Variants in OSBPL1A observed in about 807,000 individuals in gnomAD.
The protein encoded by OSBPL1A is oxysterol-binding protein-related protein 1.
Under a neutral mutation model 137.1 loss-of-function variants are expected in OSBPL1A, and 80 were observed. The ratio of observed to expected loss-of-function variants is 0.58; its 90% CI spans 0.49 to 0.70. OSBPL1A has a LOEUF of 0.70. Ranked by LOEUF, OSBPL1A falls within the 30% of genes least tolerant of loss-of-function variation. The pLI is 0.00. For synonymous variants in OSBPL1A, 365 were observed against 389.7 expected (o/e 0.94, Z 0.75); for missense variants, 970 against 1,129.4 (o/e 0.86, Z 2.02).
At chr18:24,236,256 C>A (rs1048791736) in intron 16 of OSBPL1A, among the ~76,000 whole-genome samples, 9 of 152,148 alleles carry the variant, frequency 5.9e-5, no homozygotes, top group South Asian at 2.1e-4. Flanking sequence ...GTGAAGGAAG[C>A]AATAACTAAA....
At chr18:24,214,761 CTG>C (rs954871929) in intron 17 of OSBPL1A, among the ~76,000 whole-genome samples, 8 of 152,186 alleles carry the variant, frequency 5.3e-5, no homozygotes, top group Admixed American at 1.3e-4. Flanking sequence ...TTGGGGAAAA[CTG>C]TGCAAAAAAT....
intron 16 of OSBPL1A, among the ~76,000 whole-genome samples, chr18:24,228,784 A>G (rs937257122): frequency 1.3e-5 from 2 of 152,318 alleles, no homozygotes; most frequent in African/African-American, 4.8e-5. Context: ...GTCCCAAGCA[A>G]TAAGAACACC....
chr18:24,387,849 A>G lies in OSBPL1A; in HGVS notation c.-3+9806T>C, dbSNP rs530711756. Among the ~76,000 whole-genome samples the G allele has an allele frequency of 1.5e-4, 23 of 151,922 alleles. No individual in the cohort carries two copies. The South Asian group carries it at 4.2e-3, about 28-fold the overall frequency. Reference sequence around the variant, plus strand: ...CCCTTAGGTGAACATTCAGGTAGTTATCCCACCATCAGGTGTCCAACATGA... The same window carrying G: ...CCCTTAGGTGAACATTCAGGTAGTTGTCCCACCATCAGGTGTCCAACATGA... On this transcript the variant is annotated intron_variant, in intron 1 of 27. Transcript: ENST00000319481.
At chr18:24,235,426 G>A (rs1175664340) in intron 16 of OSBPL1A, among the ~76,000 whole-genome samples, 1 of 152,156 alleles carries the variant, frequency 6.6e-6, no homozygotes, top group African/African-American at 2.4e-5. Context: ...GGGAATGGTA[G>A]AGCTTTGACT....
chr18:24,219,357 A>G (rs182385165), intron 17 of OSBPL1A, among the ~76,000 whole-genome samples: 1 of 152,218 alleles, frequency 6.6e-6, no homozygotes, highest in Non-Finnish European at 1.5e-5. Context: ...AGTTGGGCAC[A>G]TGGTAAATGT....
intron 5 of OSBPL1A, among the ~76,000 whole-genome samples, chr18:24,340,049 G>A (rs2091247575): frequency 6.6e-6 from 1 of 152,090 alleles, no homozygotes; most frequent in African/African-American, 2.4e-5. Flanking sequence ...GAATTCCAAA[G>A]GAAAGAAAGG....
chr18:24,232,145 T>G (rs916425379), intron 16 of OSBPL1A, among the ~76,000 whole-genome samples: 1 of 152,218 alleles, frequency 6.6e-6, no homozygotes, highest in African/African-American at 2.4e-5. Flanking sequence ...CAAATTTTTA[T>G]TTAGCCTTGA....
intron 20 of OSBPL1A, chr18:24,179,009 A>G (rs539246777): frequency 6.6e-6 from 1 of 152,318 alleles, no homozygotes; most frequent in African/African-American, 2.4e-5. Context: ...TATTTTATTT[A>G]TATTTTTTAA....
intron 7 of OSBPL1A, among the ~76,000 whole-genome samples, chr18:24,331,450 G>A (rs1327711169): frequency 6.8e-6 from 1 of 147,548 alleles, no homozygotes; most frequent in Non-Finnish European, 1.5e-5. Flanking sequence ...AGGCTGGAGT[G>A]CAGTGGCGCG....
chr18:24,289,182 C>G (rs2090128593), intron 14 of OSBPL1A, among the ~76,000 whole-genome samples: 1 of 152,134 alleles, frequency 6.6e-6, no homozygotes, highest in African/African-American at 2.4e-5. Flanking sequence ...AACTCCTGCT[C>G]TACATCAATC....
chr18:24,346,514 A>C (rs2091347977), intron 4 of OSBPL1A, among the ~76,000 whole-genome samples: 1 of 152,178 alleles, frequency 6.6e-6, no homozygotes, highest in African/African-American at 2.4e-5. Flanking sequence ...ATCTACTTTC[A>C]GTCTCTATGG....
At chr18:24,383,816 T>C (rs541965094) in intron 1 of OSBPL1A, among the ~76,000 whole-genome samples, 1 of 152,346 alleles carries the variant, frequency 6.6e-6, no homozygotes, top group South Asian at 2.1e-4. Flanking sequence ...ATATAAACCA[T>C]AATAGTTACT....
Position 24,239,345 on chromosome 18 carries a change from T to G in OSBPL1A, c.1319A>C (p.Asn440Thr). Reference sequence around the variant, plus strand: ...CTCCAGTGCTTCTGACAAGATTTTGTTTTTTTCTTGCTCTTGTTCCAATTT... The same window carrying G: ...CTCCAGTGCTTCTGACAAGATTTTGGTTTTTTCTTGCTCTTGTTCCAATTT... ...NFKLEQEQEK[N>T]KILSEALETL... Residue 440 changes from asparagine to threonine, a missense_variant, in exon 16 of 28, where the codon AAC becomes ACC. Asn to Thr is a moderately conservative substitution (Grantham distance 65, BLOSUM62 0). This residue lies in a region of OSBPL1A where 647 missense variants were observed against 672.6 expected (regional missense o/e 0.96). Coordinates refer to ENST00000319481, the MANE Select transcript of OSBPL1A (RefSeq NM_080597.4). 6.2e-7 allele frequency: 1 copy of G among 1,613,990 alleles called. No homozygotes were observed. Among genetic ancestry groups the G allele is most frequent in the Non-Finnish European group, 8.5e-7 (1 of 1,179,942 alleles).
intron 22 of OSBPL1A, 42 bp from the exon 23 acceptor site, chr18:24,171,540 AAGC>A: frequency 6.9e-7 from 1 of 1,454,616 alleles, no homozygotes; most frequent in Non-Finnish European, 9.6e-7. Flanking sequence ...TTTATTAGCA[AAGC>A]AGCAGTAGAG....
chr18:24,322,540 A>T (rs1442138424), intron 7 of OSBPL1A, among the ~76,000 whole-genome samples: 3 of 152,156 alleles, frequency 2.0e-5, no homozygotes, highest in African/African-American at 4.8e-5. Context: ...CATTAACCAA[A>T]AAATTAATAC....
intron 16 of OSBPL1A, among the ~76,000 whole-genome samples, chr18:24,228,157 C>G (rs2088149386): frequency 6.6e-6 from 1 of 152,036 alleles, no homozygotes; most frequent in Non-Finnish European, 1.5e-5. Flanking sequence ...CTGCACTGAC[C>G]CCTAGGGATG....
At chr18:24,298,569 T>A (rs1172405058) in intron 14 of OSBPL1A, among the ~76,000 whole-genome samples, 1 of 152,174 alleles carries the variant, frequency 6.6e-6, no homozygotes, top group Non-Finnish European at 1.5e-5. Context: ...ATGGTCTCGA[T>A]CTCCGGACCT....
intron 15 of OSBPL1A, among the ~76,000 whole-genome samples, chr18:24,270,332 A>G (rs2089687494): frequency 6.6e-6 from 1 of 152,248 alleles, no homozygotes; most frequent in African/African-American, 2.4e-5. Flanking sequence ...CACCCTGAGT[A>G]TCAGTAAGAC....
chr18:24,179,443 A>AC (rs1567923809), intron 20 of OSBPL1A: 5 of 345,370 alleles, frequency 1.4e-5, no homozygotes, highest in East Asian at 5.9e-5. Flanking sequence ...AGTAAAAAAA[A>AC]AAAACAAAAC....
Sources: allele counts gnomAD v4.1 joint callset (sites outside exome capture counted in the v4.1 genomes callset), GRCh38; gene constraint gnomAD v4.1.1; regional missense constraint gnomAD v4.1.1; transcripts MANE v1.5; gene names NCBI Gene and HGNC (gene_info 2026-07-23, HGNC 2026-07-21).